The following COL23A1 variants were observed in gnomAD, a reference collection of about 807,000 sequenced individuals.
COL23A1 encodes collagen type XXIII alpha 1 chain, also known as collagen alpha-1(XXIII) chain.
Under a neutral mutation model 99.3 loss-of-function variants are expected in COL23A1, and 97 were observed. The ratio of observed to expected loss-of-function variants is 0.98; its 90% CI spans 0.83 to 1.16. The LOEUF (loss-of-function observed/expected upper bound fraction) is 1.16. COL23A1 is among the 50% of genes most tolerant of loss of function. The probability of loss-of-function intolerance (pLI) is 0.00; values close to 1 mark genes in which losing one functional copy is unlikely to be tolerated. For missense variants in COL23A1, 762 were observed against 757.4 expected, an observed-to-expected ratio of 1.01 and a Z score of -0.07; for synonymous variants, 320 against 308.2, an observed-to-expected ratio of 1.04 and a Z score of -0.40.
At chr5:178,503,455 CA>C (rs1758687543) in intron 2 of COL23A1, among the ~76,000 whole-genome samples, 1 of 152,160 alleles carries the variant, frequency 6.6e-6, no homozygotes, top group Admixed American at 6.5e-5. Context: ...GTATTGCAGG[CA>C]GAAAATGCTA....
chr5:178,325,219 C>T (rs561846982), intron 2 of COL23A1, among the ~76,000 whole-genome samples: 82 of 152,330 alleles, frequency 5.4e-4, no homozygotes, highest in African/African-American at 1.9e-3. Context: ...CTCTTGCCTC[C>T]TTCCTCTCAT....
chr5:178,432,790 GC>G (rs1766335742), intron 2 of COL23A1, among the ~76,000 whole-genome samples: 1 of 152,086 alleles, frequency 6.6e-6, no homozygotes, highest in Admixed American at 6.5e-5. Context: ...TGGGACAAGT[GC>G]CCCAGGGCCC....
chr5:178,349,303 G>A (rs1053433042), intron 2 of COL23A1, among the ~76,000 whole-genome samples: 5 of 152,164 alleles, frequency 3.3e-5, no homozygotes, highest in African/African-American at 7.2e-5. Flanking sequence ...GACAGAGGTC[G>A]GGGTAGGAAG....
Position 178,280,620 on chromosome 5 carries a change from T to A in COL23A1, c.441+7704A>T, listed in dbSNP as rs1756846553. On this transcript the variant is annotated intron_variant, in intron 5 of 28. Coordinates refer to ENST00000390654, the MANE Select transcript of COL23A1 (RefSeq NM_173465.4). The surrounding 1 kb of genome is among the most constrained non-coding windows in gnomAD (Gnocchi z 4.9). ...GACTTTGTGCAGGTCTGTGAACATG[T>A]TCTTCCATGTGATGGGGCGAGGATG... is the stretch of plus-strand genomic sequence containing the variant. Among the ~76,000 whole-genome samples the A allele has an allele frequency of 6.6e-6, 1 of 152,156 alleles. No homozygotes were observed. Among genetic ancestry groups the A allele is most frequent in the South Asian group, 2.1e-4 (1 of 4,824 alleles).
intron 2 of COL23A1, among the ~76,000 whole-genome samples, chr5:178,543,044 T>C (rs902226512): frequency 6.6e-6 from 1 of 152,046 alleles, no homozygotes; most frequent in African/African-American, 2.4e-5. Context: ...AGACTTTCTT[T>C]TAACTGTGGA....
At chr5:178,500,806 A>C (rs1191273830) in intron 2 of COL23A1, among the ~76,000 whole-genome samples, 1 of 152,148 alleles carries the variant, frequency 6.6e-6, no homozygotes, top group African/African-American at 2.4e-5. Context: ...AATGTTCCTT[A>C]AACAAGAAAC....
At chr5:178,385,710 G>A (rs1041443488) in intron 2 of COL23A1, among the ~76,000 whole-genome samples, 1 of 152,136 alleles carries the variant, frequency 6.6e-6, no homozygotes, top group African/African-American at 2.4e-5. Flanking sequence ...CTCACACCTG[G>A]GTTCACAGAG....
chr5:178,563,542 T>TC (rs1431782722), intron 1 of COL23A1, among the ~76,000 whole-genome samples: 1 of 146,046 alleles, frequency 6.8e-6, no homozygotes, highest in African/African-American at 2.5e-5. Flanking sequence ...TTTTTTTTTT[T>TC]TTTTTTTGAG....
intron 3 of COL23A1, among the ~76,000 whole-genome samples, chr5:178,304,478 C>G (rs766844441): frequency 3.5e-5 from 5 of 142,662 alleles, no homozygotes; most frequent in Non-Finnish European, 7.5e-5. Flanking sequence ...CCACTGCACT[C>G]CAGCCTGAGT....
At chr5:178,361,804 C>A (rs1039854432) in intron 2 of COL23A1, among the ~76,000 whole-genome samples, 1 of 152,182 alleles carries the variant, frequency 6.6e-6, no homozygotes, top group Non-Finnish European at 1.5e-5. Flanking sequence ...TGCACCGGCT[C>A]TCACTGTCTC....
chr5:178,263,147 G>A, intron 9 of COL23A1, 61 bp downstream of exon 9: 7 of 1,217,130 alleles, frequency 5.8e-6, no homozygotes, highest in Non-Finnish European at 8.6e-6. Flanking sequence ...GGCTGGCTCT[G>A]GAATCAGGAT....
chr5:178,347,572 G>A (rs1199820852), intron 2 of COL23A1, among the ~76,000 whole-genome samples: 1 of 151,674 alleles, frequency 6.6e-6, no homozygotes, highest in African/African-American at 2.4e-5. Context: ...ATTTTATGTT[G>A]TGTTATATCT....
intron 2 of COL23A1, among the ~76,000 whole-genome samples, chr5:178,541,417 G>A (rs567989141): frequency 3.9e-5 from 6 of 152,254 alleles, no homozygotes; most frequent in South Asian, 2.1e-4. Context: ...GTGAAACCCC[G>A]TCTCTACCAG....
Position 178,384,726 on chromosome 5 carries a change from T to C in COL23A1, c.362-77807A>G, listed in dbSNP as rs923168854. Among the ~76,000 whole-genome samples the C allele has an allele frequency of 5.3e-5, 8 of 152,104 alleles. No homozygotes were observed. Among genetic ancestry groups the C allele is most frequent in the African/African-American group, 1.9e-4 (8 of 41,412 alleles). ...TCACCCACTGAATCAGAGTGCGCGC[T>C]CACAGGGTGCACATATAACAGCCAC... On this transcript the variant is annotated intron_variant, in intron 2 of 28. Transcript: ENST00000390654. This position sits in a 1 kb window ranked among gnomAD's most constrained non-coding sequence, Gnocchi z 5.5.
At chr5:178,252,520 C>G in intron 17 of COL23A1, 24 bp downstream of exon 17, 1 of 1,604,830 alleles carries the variant, frequency 6.2e-7, no homozygotes, top group Non-Finnish European at 8.5e-7. Flanking sequence ...GCTTGGGGGA[C>G]CACATAGCTG....
intron 3 of COL23A1, among the ~76,000 whole-genome samples, chr5:178,302,725 C>T (rs2127599352): frequency 6.6e-6 from 1 of 152,308 alleles, no homozygotes; most frequent in East Asian, 1.9e-4. Context: ...TCAAGTCATC[C>T]ACTGGTGTTA....
chr5:178,552,061 A>C (rs1040684746), intron 2 of COL23A1, among the ~76,000 whole-genome samples: 1 of 151,958 alleles, frequency 6.6e-6, no homozygotes, highest in African/African-American at 2.4e-5. Flanking sequence ...ACCTTGCCCA[A>C]TTATCATCTT....
In COL23A1 at chr5:178,313,037, C is replaced by G. The variant is rs72820904; in HGVS notation, c.362-6118G>C. On this transcript the variant is annotated intron_variant, in intron 2 of 28. Transcript: ENST00000390654. This position sits in a 1 kb window ranked among gnomAD's most constrained non-coding sequence, Gnocchi z 4.2. ...CTGGAGAGGAAGGAGTTCCTGCGCACGCTGCAGCATGATGGGCCTGGAGGA... is the reference window on the plus strand; with the variant it reads ...CTGGAGAGGAAGGAGTTCCTGCGCAGGCTGCAGCATGATGGGCCTGGAGGA... Among the ~76,000 whole-genome samples, 7,031 of 152,234 alleles carry G rather than the reference C, an allele frequency of 0.046. 241 individuals carry two copies. Among genetic ancestry groups the G allele is most frequent in the African/African-American group, 0.097 (4,045 of 41,522 alleles).
intron 2 of COL23A1, among the ~76,000 whole-genome samples, chr5:178,369,616 G>C (rs1581247591): frequency 1.3e-5 from 2 of 152,198 alleles, no homozygotes; most frequent in African/African-American, 4.8e-5. Context: ...TCTTGTGACA[G>C]TGAATAAGTC....
Sources: gnomAD v4.1 joint callset for allele counts (sites outside exome capture counted in the v4.1 genomes callset) on GRCh38, gnomAD v4.1.1 for gene constraint, Gnocchi (gnomAD v3.1) non-coding constraint, MANE v1.5 for transcripts, NCBI Gene and HGNC (gene_info 2026-07-23, HGNC 2026-07-21) for gene names.